Variants in CACNB2 observed in about 807,000 individuals in gnomAD.
CACNB2 encodes calcium voltage-gated channel auxiliary subunit beta 2.
In CACNB2, 42 loss-of-function variants were observed where a neutral mutation model predicts 73.3. That is an observed-to-expected ratio of 0.57 (90% CI 0.45 to 0.74). The LOEUF is 0.74. CACNB2 is among the 30% of genes least tolerant of loss of function. The probability of loss-of-function intolerance (pLI) is 0.00; values close to 1 mark genes in which losing one functional copy is unlikely to be tolerated. For missense variants in CACNB2, 940 were observed against 853.0 expected, an observed-to-expected ratio of 1.10 and a Z score of -1.27; for synonymous variants, 348 against 310.3, an observed-to-expected ratio of 1.12 and a Z score of -1.28.
At chr10:18,506,992 T>G (rs962855830) in intron 6 of CACNB2, among the ~76,000 whole-genome samples, 1 of 151,948 alleles carries the variant, frequency 6.6e-6, no homozygotes, top group Non-Finnish European at 1.5e-5. Flanking sequence ...AGAGATGGAG[T>G]TTCACCATGT....
intron 5 of CACNB2, among the ~76,000 whole-genome samples, chr10:18,502,453 G>A: frequency 6.6e-6 from 1 of 151,696 alleles, no homozygotes; most frequent in Non-Finnish European, 1.5e-5. Flanking sequence ...CACTTTGGGA[G>A]GCTGAGGCGG....
intron 3 of CACNB2, among the ~76,000 whole-genome samples, chr10:18,457,448 C>A (rs889974466): frequency 4.6e-5 from 7 of 152,152 alleles, no homozygotes; most frequent in Non-Finnish European, 7.4e-5. Flanking sequence ...AATGCTATCA[C>A]CTTAGACTGT....
intron 2 of CACNB2, among the ~76,000 whole-genome samples, chr10:18,171,521 G>GGAAA (rs1185764878): frequency 0.013 from 428 of 32,560 alleles, 45 homozygotes; most frequent in South Asian, 0.027. Context: ...TTTGATAGCA[G>GGAAA]AAAAAAAAAA....
intron 2 of CACNB2, among the ~76,000 whole-genome samples, chr10:18,215,868 A>G (rs1232535441): frequency 1.3e-5 from 2 of 152,162 alleles, no homozygotes; most frequent in Admixed American, 6.6e-5. Context: ...TGTTGGTGCC[A>G]AGTCAGTGCT....
intron 2 of CACNB2, among the ~76,000 whole-genome samples, chr10:18,160,274 C>T (rs10828279): frequency 0.27 from 40,649 of 151,782 alleles, 5,516 homozygotes; most frequent in East Asian, 0.36. Flanking sequence ...TTAAGTGCTC[C>T]AGTTATTAAA....
intron 2 of CACNB2, among the ~76,000 whole-genome samples, chr10:18,198,503 C>G (rs996305876): frequency 7.2e-5 from 11 of 152,128 alleles, no homozygotes; most frequent in South Asian, 4.1e-4. Context: ...TGGTGTGTCA[C>G]TGGAGTCATT....
At chr10:18,501,889 C>T (rs1374172147) in intron 5 of CACNB2, among the ~76,000 whole-genome samples, 1 of 152,196 alleles carries the variant, frequency 6.6e-6, no homozygotes, top group African/African-American at 2.4e-5. Context: ...TCATTTAGTT[C>T]AGACGGATTC....
rs145779267 is a variant in CACNB2, at chr10:18,297,610, G to A, written c.214-104314G>A. ...ATAGATAATTAAACATTTCCAGGCC[G>A]ACTGAATTCCTCCACGGAGAAGACA... On this transcript the variant is annotated intron_variant, in intron 2 of 13. Coordinates refer to ENST00000324631, the MANE Select transcript of CACNB2 (RefSeq NM_201596.3). Among the ~76,000 whole-genome samples the A allele has an allele frequency of 2.6e-3, 399 of 152,222 alleles. 3 individuals are homozygous for A. Among genetic ancestry groups the A allele is most frequent in the African/African-American group, 9.0e-3 (372 of 41,540 alleles).
intron 4 of CACNB2, 45 bp downstream of exon 4, chr10:18,498,522 T>G (rs1260307855): frequency 6.3e-7 from 1 of 1,598,090 alleles, no homozygotes; most frequent in African/African-American, 1.3e-5. Flanking sequence ...TGTTTCACCT[T>G]GACATACCAT....
At chr10:18,535,536 G>C (rs1470382938) in intron 11 of CACNB2, among the ~76,000 whole-genome samples, 1 of 152,082 alleles carries the variant, frequency 6.6e-6, no homozygotes, top group African/African-American at 2.4e-5. Flanking sequence ...ACTCTACTAG[G>C]CTGAGGTGGG....
intron 10 of CACNB2, among the ~76,000 whole-genome samples, chr10:18,529,527 C>T (rs2052790597): frequency 6.6e-6 from 1 of 152,110 alleles, no homozygotes; most frequent in Non-Finnish European, 1.5e-5. Flanking sequence ...GGAGCTGATC[C>T]TGAGCTGAGA....
chr10:18,147,399 T>C (rs10828267), intron 1 of CACNB2, among the ~76,000 whole-genome samples: 52,053 of 151,806 alleles, frequency 0.34, 9,188 homozygotes, highest in African/African-American at 0.41. Context: ...TTTTTTCTTT[T>C]TACTGTGGTG....
chr10:18,406,479 G>C (rs888815242), intron 3 of CACNB2, among the ~76,000 whole-genome samples: 1 of 152,162 alleles, frequency 6.6e-6, no homozygotes, highest in South Asian at 2.1e-4. Context: ...ATCAATGGCA[G>C]CATTAGGTTC....
At chr10:18,179,291 ATTG>A (rs917718728) in intron 2 of CACNB2, among the ~76,000 whole-genome samples, 7 of 152,202 alleles carry the variant, frequency 4.6e-5, no homozygotes, top group Non-Finnish European at 1.0e-4. Flanking sequence ...TATCTGAGAA[ATTG>A]TTGTAGGGAG....
chr10:18,424,290 C>G (rs1382893187), intron 3 of CACNB2, among the ~76,000 whole-genome samples: 2 of 152,108 alleles, frequency 1.3e-5, no homozygotes, highest in Non-Finnish European at 2.9e-5. Context: ...CAAGGCTACC[C>G]TGTAGGCAGA....
At chr10:18,405,710 C>A (rs193237056) in intron 3 of CACNB2, among the ~76,000 whole-genome samples, 36 of 152,264 alleles carry the variant, frequency 2.4e-4, no homozygotes, top group African/African-American at 8.7e-4. Context: ...GTAATCCCAG[C>A]AATTTGGGAG....
intron 2 of CACNB2, among the ~76,000 whole-genome samples, chr10:18,278,847 C>T (rs529900339): frequency 6.6e-6 from 1 of 152,156 alleles, no homozygotes; most frequent in East Asian, 1.9e-4. Flanking sequence ...GAGACCCCTA[C>T]TCTACAAAAA....
At chr10:18,366,646 C>G (rs919481147) in intron 2 of CACNB2, among the ~76,000 whole-genome samples, 1 of 152,002 alleles carries the variant, frequency 6.6e-6, no homozygotes, top group East Asian at 1.9e-4. Context: ...GAGTTCAAGA[C>G]CAGCCTGGCC....
chr10:18,292,193 C>T (rs933507455), intron 2 of CACNB2, among the ~76,000 whole-genome samples: 5 of 152,106 alleles, frequency 3.3e-5, no homozygotes, highest in Admixed American at 2.6e-4. Context: ...TTTCATTATT[C>T]AGTGATATTG....
Sources: allele counts gnomAD v4.1 joint callset (sites outside exome capture counted in the v4.1 genomes callset), GRCh38; gene constraint gnomAD v4.1.1; transcripts MANE v1.5; gene names NCBI Gene and HGNC (gene_info 2026-07-23, HGNC 2026-07-21).